ENOX1: variants seen among roughly 807,000 people sequenced by gnomAD.
ENOX1 encodes ecto-NOX disulfide-thiol exchanger 1, also known as candidate growth-related and time keeping constitutive hydroquinone (NADH) oxidase.
ENOX1 carries 42 observed loss-of-function variants against 82.5 expected under a neutral mutation model. That is an observed-to-expected ratio of 0.51 (90% CI 0.40 to 0.66). ENOX1 has a LOEUF of 0.66. Among genes scored for constraint, ENOX1 ranks in the 30% least tolerant of loss-of-function variants. The pLI is 0.00. For synonymous variants in ENOX1, 271 were observed against 282.2 expected, an observed-to-expected ratio of 0.96 and a Z score of 0.40; for missense variants, 608 against 811.6, an observed-to-expected ratio of 0.75 and a Z score of 3.05.
intron 2 of ENOX1, among the ~76,000 whole-genome samples, chr13:43,556,951 T>C (rs1186241841): frequency 2.0e-5 from 3 of 152,186 alleles, no homozygotes; most frequent in Admixed American, 1.3e-4. Context: ...CTGAGCTACA[T>C]AGAATTTGAA....
At position 43,322,396 on chromosome 13, in the gene ENOX1, C is replaced by T. The variant is rs754925010; in HGVS notation, c.1249G>A (p.Val417Ile). ...NCDSPTKKMR[V>I]DESALAAQAY... ...TTATCGGCATTACCTGATTCATCGA[C>T]TCTCATTTTCTTTGTAGGGCTGTCA... is the stretch of plus-strand genomic sequence containing the variant. The change falls in exon 11 of 17, where the codon GTC (valine) becomes ATC (isoleucine). Residue 417 changes from valine to isoleucine, a missense_variant. Val to Ile is a conservative substitution (Grantham distance 29, BLOSUM62 3). Coordinates refer to ENST00000690772, the MANE Select transcript of ENOX1 (RefSeq NM_001347969.2). 6.2e-7 allele frequency: 1 copy of T among 1,613,536 alleles called. No individual in the cohort carries two copies.
At chr13:43,654,891 G>A (rs1175656468) in intron 2 of ENOX1, among the ~76,000 whole-genome samples, 1 of 152,210 alleles carries the variant, frequency 6.6e-6, no homozygotes, top group Non-Finnish European at 1.5e-5. Flanking sequence ...CCCCAATGAA[G>A]CAAGTATCCA....
intron 15 of ENOX1, among the ~76,000 whole-genome samples, chr13:43,230,254 G>A (rs2042219452): frequency 6.6e-6 from 1 of 152,130 alleles, no homozygotes; most frequent in Non-Finnish European, 1.5e-5. Flanking sequence ...AAAATTCTCT[G>A]GTGATGTGGA....
intron 9 of ENOX1, among the ~76,000 whole-genome samples, chr13:43,339,751 G>A (rs532589538): frequency 9.2e-5 from 14 of 152,292 alleles, no homozygotes; most frequent in East Asian, 1.9e-4. Context: ...GAATAACCAG[G>A]AGATTTCCAG....
At chr13:43,278,089 C>A (rs2045164073) in intron 12 of ENOX1, among the ~76,000 whole-genome samples, 1 of 152,186 alleles carries the variant, frequency 6.6e-6, no homozygotes, top group Non-Finnish European at 1.5e-5. Context: ...CAATTCTAAG[C>A]AAAATCATTG....
intron 3 of ENOX1, among the ~76,000 whole-genome samples, chr13:43,449,722 T>C (rs2056857029): frequency 6.6e-6 from 1 of 152,158 alleles, no homozygotes; most frequent in African/African-American, 2.4e-5. Context: ...CCCTTTTATG[T>C]TCTTTTAATA....
rs5803192 is a variant in ENOX1, at chr13:43,610,749, GT to G, written c.-219+56729del. On this transcript the variant is annotated intron_variant, in intron 2 of 16. Coordinates refer to ENST00000690772, the MANE Select transcript of ENOX1 (RefSeq NM_001347969.2). ...TCATGTTGTTAAAACATTTCCCATA[GT>G]TTTTTTTTTTTTTCAGTTCAGTTTT... Among the ~76,000 whole-genome samples, 42 of 149,740 alleles carry G rather than the reference GT, an allele frequency of 2.8e-4. 1 individual carries two copies. Among genetic ancestry groups the G allele is most frequent in the Admixed American group, 9.9e-4 (15 of 15,084 alleles).
At chr13:43,675,950 C>T (rs903352853) in intron 1 of ENOX1, among the ~76,000 whole-genome samples, 4 of 152,220 alleles carry the variant, frequency 2.6e-5, no homozygotes, top group African/African-American at 4.8e-5. Context: ...AGATCGTTAA[C>T]ACCAAAGCAA....
At chr13:43,513,544 A>G (rs971241204) in intron 2 of ENOX1, among the ~76,000 whole-genome samples, 1 of 152,192 alleles carries the variant, frequency 6.6e-6, no homozygotes, top group Non-Finnish European at 1.5e-5. Flanking sequence ...CAATAAAACT[A>G]TTATTCCATT....
intron 1 of ENOX1, among the ~76,000 whole-genome samples, chr13:43,707,833 T>C (rs1279117562): frequency 1.3e-5 from 2 of 150,730 alleles, no homozygotes; most frequent in Non-Finnish European, 2.9e-5. Flanking sequence ...GTGGTTCTGA[T>C]ATAACGACAG....
At chr13:43,751,425 G>A (rs1209501548) in intron 1 of ENOX1, among the ~76,000 whole-genome samples, 8 of 152,106 alleles carry the variant, frequency 5.3e-5, no homozygotes, top group African/African-American at 1.2e-4. Context: ...GTACAATTTC[G>A]TAAGTTTGAA....
chr13:43,362,042 A>G (rs2153560751), intron 5 of ENOX1, among the ~76,000 whole-genome samples: 1 of 151,842 alleles, frequency 6.6e-6, no homozygotes, highest in East Asian at 1.9e-4. Context: ...AGATACATGC[A>G]GGCATAAAAT....
intron 2 of ENOX1, among the ~76,000 whole-genome samples, chr13:43,598,082 C>T (rs1210796993): frequency 6.6e-6 from 1 of 152,122 alleles, no homozygotes; most frequent in Non-Finnish European, 1.5e-5. Context: ...CTGGCTGCCT[C>T]TTGTGTCTCC....
intron 2 of ENOX1, among the ~76,000 whole-genome samples, chr13:43,659,617 G>C (rs1396643644): frequency 6.6e-6 from 1 of 152,022 alleles, no homozygotes; most frequent in African/African-American, 2.4e-5. Context: ...ATCCTTGGCT[G>C]TCTGAGATAT....
intron 2 of ENOX1, among the ~76,000 whole-genome samples, chr13:43,539,295 C>G (rs2078607033): frequency 6.6e-6 from 1 of 152,134 alleles, no homozygotes; most frequent in South Asian, 2.1e-4. Context: ...TTCCTTTGAA[C>G]ATATGCACTT....
Position 43,214,078 on chromosome 13 carries a change from C to A in ENOX1, c.1844G>T (p.Arg615Leu). ...EIEMLLMRLP[R>L]MFKQEFTGVG... ...ACCCGTGAATTCCTGTTTGAACATG[C>A]GTGGCAGCCTCATCAAAAGCATTTC... is the stretch of plus-strand genomic sequence containing the variant. The change falls in exon 17 of 17, where the codon CGC becomes CTC. Residue 615 changes from arginine (R) to leucine (L), a missense_variant. By Grantham distance (102) the Arg-to-Leu change is moderately radical (BLOSUM62 -2). Coordinates refer to ENST00000690772, the MANE Select transcript of ENOX1 (RefSeq NM_001347969.2). The A allele has an allele frequency of 1.2e-6, 2 of 1,613,474 alleles. No individual in the cohort carries two copies. Among genetic ancestry groups the A allele is most frequent in the East Asian group, 2.2e-5 (1 of 44,846 alleles).
chr13:43,613,606 C>G (rs2082287051), intron 2 of ENOX1, among the ~76,000 whole-genome samples: 1 of 152,046 alleles, frequency 6.6e-6, no homozygotes, highest in Non-Finnish European at 1.5e-5. Context: ...ACTGATGCCA[C>G]AGAAATTAAA....
At chr13:43,247,830 TATATATATATATATATATATATATATA>T (rs1566328162) in intron 14 of ENOX1, among the ~76,000 whole-genome samples, 2 of 2,698 alleles carry the variant, frequency 7.4e-4, no homozygotes, top group African/African-American at 3.4e-3. Context: ...AGATGCAACA[TATATATATATATATATATATATATATA>T]TATATATATA....
chr13:43,471,809 CAAAAAAAAA>C (rs5803181), intron 3 of ENOX1, among the ~76,000 whole-genome samples: 7 of 124,546 alleles, frequency 5.6e-5, no homozygotes, highest in South Asian at 2.5e-4. Flanking sequence ...GACTCCGTCT[CAAAAAAAAA>C]AAAAAAAAAA....
Sources: gnomAD v4.1 joint callset for allele counts (sites outside exome capture counted in the v4.1 genomes callset) on GRCh38, gnomAD v4.1.1 for gene constraint, MANE v1.5 for transcripts, NCBI Gene and HGNC (gene_info 2026-07-23, HGNC 2026-07-21) for gene names.